RALYL: variants seen among roughly 807,000 people sequenced by gnomAD.
RALYL encodes the protein RNA-binding Raly-like protein.
In RALYL, 29 loss-of-function variants were observed where a neutral mutation model predicts 35.1. That is an observed-to-expected ratio of 0.83 (90% confidence interval 0.61 to 1.13). The LOEUF (loss-of-function observed/expected upper bound fraction) is 1.13, where lower values mean the gene tolerates loss of function less well. Among genes scored for constraint, RALYL ranks in the 50% most tolerant of loss-of-function variants. RALYL has a pLI of 0.00. For synonymous variants in RALYL, 120 were observed against 127.6 expected (o/e 0.94, Z 0.40); for missense variants, 359 against 360.4 (o/e 1.00, Z 0.03).
intron 3 of RALYL, among the ~76,000 whole-genome samples, chr8:84,791,088 T>C (rs1820661853): frequency 6.6e-6 from 1 of 152,160 alleles, no homozygotes; most frequent in Non-Finnish European, 1.5e-5. Context: ...AAACTAATTA[T>C]AAATTAGAAG....
At chr8:84,263,861 G>A (rs1832768744) in intron 1 of RALYL, among the ~76,000 whole-genome samples, 1 of 152,106 alleles carries the variant, frequency 6.6e-6, no homozygotes, top group African/African-American at 2.4e-5. Flanking sequence ...GAGAACATGT[G>A]GTGTTTGGTT....
intron 1 of RALYL, among the ~76,000 whole-genome samples, chr8:84,453,714 A>G (rs2133237989): frequency 6.6e-6 from 1 of 152,148 alleles, no homozygotes; most frequent in East Asian, 1.9e-4. Flanking sequence ...ATGACATTGA[A>G]CATCTCTTAT....
chr8:84,841,006 C>G (rs1833173670), intron 4 of RALYL, among the ~76,000 whole-genome samples: 1 of 152,144 alleles, frequency 6.6e-6, no homozygotes, highest in Admixed American at 6.5e-5. Flanking sequence ...CCAGCCACTG[C>G]AAAAACATGT....
At chr8:84,539,872 A>ATG (rs2059896353) in intron 2 of RALYL, among the ~76,000 whole-genome samples, 2 of 6,722 alleles carry the variant, frequency 3.0e-4, no homozygotes, top group African/African-American at 8.3e-4. Context: ...ATATATATAT[A>ATG]TATATGTATA....
In RALYL at chr8:84,316,379, G is replaced by T. The variant is rs571778990; in HGVS notation, c.-24+131955G>T. ...TCTCAAAGTATTTCTATAATATCAG[G>T]TTTAAAAATGAGGAAGCTAAATTAT... On this transcript the variant is annotated intron_variant, in intron 1 of 8. Transcript: ENST00000521268. Among the ~76,000 whole-genome samples the T allele has an allele frequency of 2.6e-5, 4 of 152,004 alleles. No homozygotes were observed. The East Asian group carries it at 7.7e-4, about 29-fold the overall frequency.
chr8:84,771,493 C>T lies in RALYL; in HGVS notation c.257-3086C>T, dbSNP rs190478607. 1.4e-4 allele frequency among the ~76,000 whole-genome samples: 22 copies of T among 152,180 alleles called. No homozygotes were observed. In the East Asian group the frequency reaches 4.2e-3, roughly 29 times the overall value. On this transcript the variant is annotated intron_variant, in intron 2 of 8. Transcript: ENST00000521268. Reference sequence around the variant, plus strand: ...GAATTATTTTTCAAAATAGTTTTTACCATGTACATTTATATCTGCATTCTA... The same window carrying T: ...GAATTATTTTTCAAAATAGTTTTTATCATGTACATTTATATCTGCATTCTA...
At chr8:84,654,981 G>C (rs1245536160) in intron 2 of RALYL, among the ~76,000 whole-genome samples, 1 of 151,950 alleles carries the variant, frequency 6.6e-6, no homozygotes, top group African/African-American at 2.4e-5. Flanking sequence ...TATGGTGGGG[G>C]TGGGTCTATT....
intron 1 of RALYL, among the ~76,000 whole-genome samples, chr8:84,343,414 C>A (rs1338496478): frequency 6.6e-6 from 1 of 151,948 alleles, no homozygotes; most frequent in Non-Finnish European, 1.5e-5. Flanking sequence ...CATAGCTCAG[C>A]AAAGAATCAT....
intron 1 of RALYL, among the ~76,000 whole-genome samples, chr8:84,333,899 C>T (rs1036760254): frequency 6.6e-6 from 1 of 151,950 alleles, no homozygotes; most frequent in Non-Finnish European, 1.5e-5. Flanking sequence ...TTTTTTTCCC[C>T]CCTTGGGACA....
intron 1 of RALYL, among the ~76,000 whole-genome samples, chr8:84,281,579 A>T (rs1342344100): frequency 6.6e-6 from 1 of 152,120 alleles, no homozygotes; most frequent in Admixed American, 6.6e-5. Context: ...TAATTCCAGT[A>T]TGTGAATTAT....
intron 1 of RALYL, among the ~76,000 whole-genome samples, chr8:84,266,048 C>T (rs553513715): frequency 1.3e-5 from 2 of 152,264 alleles, no homozygotes; most frequent in South Asian, 2.1e-4. Context: ...GATTCCTTGA[C>T]GTTAATAGCC....
intron 3 of RALYL, among the ~76,000 whole-genome samples, chr8:84,802,274 A>G (rs1586383797): frequency 6.6e-6 from 1 of 152,212 alleles, no homozygotes; most frequent in East Asian, 1.9e-4. Context: ...TTTTCCAGCT[A>G]CTTTAAAATG....
chr8:84,625,944 G>A (rs1395166088), intron 2 of RALYL, among the ~76,000 whole-genome samples: 3 of 152,058 alleles, frequency 2.0e-5, no homozygotes, highest in African/African-American at 4.8e-5. Context: ...GAGGGAGTGG[G>A]AAGTGATAAA....
At chr8:84,608,604 T>C (rs540752958) in intron 2 of RALYL, among the ~76,000 whole-genome samples, 1 of 152,264 alleles carries the variant, frequency 6.6e-6, no homozygotes, top group Non-Finnish European at 1.5e-5. Context: ...TCCATATTAC[T>C]CCTGTTTCCT....
chr8:84,201,440 A>C (rs1550209), intron 1 of RALYL, among the ~76,000 whole-genome samples: 51,362 of 151,906 alleles, frequency 0.34, 8,979 homozygotes, highest in Middle Eastern at 0.44. Context: ...GGGTAATATA[A>C]CCTTGTGAGT....
intron 1 of RALYL, among the ~76,000 whole-genome samples, chr8:84,227,358 C>A (rs1586351778): frequency 6.6e-6 from 1 of 151,050 alleles, no homozygotes. Flanking sequence ...ACGTCTGGCA[C>A]AAAAAAAATG....
chr8:84,284,488 C>T (rs116102620), intron 1 of RALYL, among the ~76,000 whole-genome samples: 1 of 152,210 alleles, frequency 6.6e-6, no homozygotes, highest in African/African-American at 2.4e-5. Context: ...GTAATGAAAT[C>T]TTTAGATTCT....
At chr8:84,631,419 G>A (rs1021048453) in intron 2 of RALYL, among the ~76,000 whole-genome samples, 6 of 151,986 alleles carry the variant, frequency 3.9e-5, no homozygotes, top group East Asian at 1.9e-4. Context: ...TCACTTTCTC[G>A]TTTGAAAAAC....
intron 4 of RALYL, among the ~76,000 whole-genome samples, chr8:84,806,366 T>A (rs758907404): frequency 2.0e-5 from 3 of 152,146 alleles, no homozygotes; most frequent in Non-Finnish European, 2.9e-5. Context: ...TGCCCTCAAG[T>A]CAAAAGGCCT....
Sources: gnomAD v4.1 joint callset for allele counts (sites outside exome capture counted in the v4.1 genomes callset) on GRCh38, gnomAD v4.1.1 for gene constraint, MANE v1.5 for transcripts, NCBI Gene and HGNC (gene_info 2026-07-23, HGNC 2026-07-21) for gene names.